CPNE6: variants seen among roughly 807,000 people sequenced by gnomAD.
The protein encoded by CPNE6 is copine 6.
Under a neutral mutation model 71.5 loss-of-function variants are expected in CPNE6, and 33 were observed. The ratio of observed to expected loss-of-function variants is 0.46; its 90% CI spans 0.35 to 0.62. CPNE6 has a LOEUF of 0.62. CPNE6 is among the 20% of genes least tolerant of loss of function. CPNE6 has a pLI of 0.00. For synonymous variants in CPNE6, 296 were observed against 293.0 expected (o/e 1.01, Z -0.10); for missense variants, 576 against 747.3 (o/e 0.77, Z 2.67).
intron 14 of CPNE6, 114 bp from the exon 14 acceptor site, chr14:24,076,765 A>C (rs1425599044): frequency 1.3e-6 from 2 of 1,545,180 alleles, no homozygotes; most frequent in Non-Finnish European, 1.8e-6. Context: ...TGCTTAATGA[A>C]GGAACTCGAG....
rs910624041 is a variant in CPNE6, at chr14:24,077,183, C to T, written c.1329C>T (p.Asp443=). The change falls in exon 16 of 18, where the codon GAC becomes GAT. Residue 443 remains aspartate, a synonymous_variant. Coordinates refer to ENST00000397016, the Ensembl canonical transcript of CPNE6. The surrounding 1 kb of genome is among the most constrained non-coding windows in gnomAD (Gnocchi z 6.1). Reference sequence around the variant, plus strand: ...ACTCGGTGCTGCTGGTGCTCACTGACGGTGTGGTGAGCGACATGGCTGAGA... The same window carrying T: ...ACTCGGTGCTGCTGGTGCTCACTGATGGTGTGGTGAGCGACATGGCTGAGA... 3.7e-6 allele frequency: 6 copies of T among 1,607,752 alleles called. No homozygotes were observed. The highest frequency in any genetic ancestry group is 4.2e-6 in the Non-Finnish European group (5 of 1,179,792).
chr14:24,075,416 G>T lies in CPNE6; in HGVS notation c.778-89G>T. ...GGCTCAGCTGAAGGACGGAACCATG[G>T]GGGTCTTGCTCTGGGAGGCTCTGCT... On this transcript the variant is annotated intron_variant, in intron 9 of 17. Transcript: ENST00000397016. This position sits in a 1 kb window ranked among gnomAD's most constrained non-coding sequence, Gnocchi z 4.3. The T allele has an allele frequency of 7.0e-7, 1 of 1,424,546 alleles. No homozygotes were observed. Among genetic ancestry groups the T allele is most frequent in the East Asian group, 2.3e-5 (1 of 43,210 alleles). 88.2% of individuals were successfully genotyped at this position (1,424,546 alleles called of 1,614,324 possible).
chr14:24,074,234 T>C lies in CPNE6; in HGVS notation c.424-57T>C, dbSNP rs1036916619. On this transcript the variant is annotated intron_variant, in intron 5 of 17. Transcript: ENST00000397016. The surrounding 1 kb of genome is among the most constrained non-coding windows in gnomAD (Gnocchi z 4.5). ...CCACCCCCACCTAAGGGAAAGGGGA[T>C]GGGGTGGCCCTTGTGGTAAGGTTAG... 1 of 1,597,716 alleles carries C rather than the reference T, an allele frequency of 6.3e-7. No individual in the cohort carries two copies. The highest frequency in any genetic ancestry group is 8.6e-7 in the Non-Finnish European group (1 of 1,165,346).
rs1264781646 is a variant in CPNE6 at position 24,074,646 on chromosome 14, G to A, written c.582+32G>A. On this transcript the variant is annotated intron_variant, in intron 7 of 17. Coordinates refer to ENST00000397016, the Ensembl canonical transcript of CPNE6. This position sits in a 1 kb window ranked among gnomAD's most constrained non-coding sequence, Gnocchi z 4.5. ...GCCTGGGGCTATGGGGATGAAGGGA[G>A]GGAGAGTAAAGTAAGAAGACACAGA... The A allele has an allele frequency of 1.2e-6, 2 of 1,613,694 alleles. No homozygotes were observed. The highest frequency in any genetic ancestry group is 1.7e-6 in the Non-Finnish European group (2 of 1,179,592).
chr14:24,075,727 A>G lies in CPNE6; in HGVS notation c.865-100A>G. On this transcript the variant is annotated intron_variant, in intron 10 of 17. Coordinates refer to ENST00000397016, the Ensembl canonical transcript of CPNE6. This position sits in a 1 kb window ranked among gnomAD's most constrained non-coding sequence, Gnocchi z 4.3. The stretch of plus-strand genomic sequence containing the variant: ...GAAACCACCCCCAACTGCAACCCAA[A>G]AAACTCTGGCTCCCCCATGTTCCCC... 7.2e-7 allele frequency: 1 copy of G among 1,395,748 alleles called. No homozygotes were observed. The allele number at this position is 1,395,748 out of a possible 1,614,324, so 86.5% of individuals were successfully genotyped here. A position where few individuals can be genotyped will look rare whatever the true frequency, so the allele number is the denominator to read the frequency against.
At chr14:24,076,677 A>C in intron 14 of CPNE6, 120 bp downstream of exon 13, 1 of 1,489,694 alleles carries the variant, frequency 6.7e-7, no homozygotes, top group South Asian at 1.1e-5. Context: ...GCCTGTCTTT[A>C]TCAGGTGAGG....
rs2035906392 is a variant in CPNE6 at position 24,071,661 on chromosome 14, C to T, written c.-5+20C>T. ...GCCCAGGTGAGCCCACCCTTCCTCCCCAGCCCAGCCCCAGCCCAGCCCAGC... is the reference window on the plus strand; with the variant it reads ...GCCCAGGTGAGCCCACCCTTCCTCCTCAGCCCAGCCCCAGCCCAGCCCAGC... On this transcript the variant is annotated intron_variant, in intron 2 of 17. Transcript: ENST00000397016. 2.5e-6 allele frequency: 2 copies of T among 803,614 alleles called. No homozygotes were observed. Among genetic ancestry groups the T allele is most frequent in the Non-Finnish European group, 4.2e-6 (2 of 479,316 alleles). 49.8% of individuals were successfully genotyped at this position (803,614 alleles called of 1,614,324 possible).
intron 2 of CPNE6, 112 bp downstream of exon 1, chr14:24,071,753 T>C: frequency 1.8e-6 from 1 of 547,652 alleles, no homozygotes; most frequent in Non-Finnish European, 3.3e-6. Context: ...CCCAATCCCT[T>C]CACCACCACA....
intron 2 of CPNE6, chr14:24,071,966 T>C (rs2035916428): frequency 3.2e-6 from 1 of 313,218 alleles, no homozygotes; most frequent in Non-Finnish European, 6.0e-6. Context: ...ACACACGACA[T>C]GGGGGGACAG....
chr14:24,075,412 C>T lies in CPNE6; in HGVS notation c.778-93C>T. On this transcript the variant is annotated intron_variant, in intron 9 of 17. Transcript: ENST00000397016. This position sits in a 1 kb window ranked among gnomAD's most constrained non-coding sequence, Gnocchi z 4.3. The stretch of plus-strand genomic sequence containing the variant: ...CCTGGGCTCAGCTGAAGGACGGAAC[C>T]ATGGGGGTCTTGCTCTGGGAGGCTC... 7.0e-7 allele frequency: 1 copy of T among 1,421,130 alleles called. No homozygotes were observed. The highest frequency in any genetic ancestry group is 9.9e-7 in the Non-Finnish European group (1 of 1,012,794). The allele number at this position is 1,421,130 out of a possible 1,614,324, so 88.0% of individuals were successfully genotyped here.
In CPNE6 at chr14:24,071,044, T is replaced by C. The variant is rs565517638; in HGVS notation, c.-120+16T>C. 7.2e-6 allele frequency: 11 copies of C among 1,535,150 alleles called. No individual in the cohort carries two copies. The Admixed American group carries it at 2.0e-4, about 27-fold the overall frequency. On this transcript the variant is annotated intron_variant, in intron 1 of 17. Coordinates refer to ENST00000397016, the Ensembl canonical transcript of CPNE6. Reference sequence around the variant, plus strand: ...TGTATTCCGGGTTAGTTTGAGTGAGTACATGTGTGACAAGGACAGCCCAGT... The same window carrying C: ...TGTATTCCGGGTTAGTTTGAGTGAGCACATGTGTGACAAGGACAGCCCAGT...
chr14:24,076,494 T>C lies in CPNE6; in HGVS notation c.1114-12T>C. ...AAGGCAGGCCCTCACTGCTCCCGCC[T>C]TGCCCTCACAGGTGTCCCATGACTT... On this transcript the variant is annotated splice_polypyrimidine_tract_variant and intron_variant, in intron 13 of 17. Coordinates refer to ENST00000397016, the Ensembl canonical transcript of CPNE6. The C allele has an allele frequency of 6.2e-7, 1 of 1,614,182 alleles. No individual in the cohort carries two copies.
chr14:24,072,755 GGT>G, intron 2 of CPNE6, 176 bp from the exon 2 acceptor site: 1 of 483,566 alleles, frequency 2.1e-6, no homozygotes, highest in Non-Finnish European at 3.5e-6. Context: ...GGGAGGCTCA[GGT>G]CCTCTGCCCT....
At chr14:24,071,501 G>GGGGCCCCCCCCCC in intron 1 of CPNE6, 61 bp from the exon 1 acceptor site, 73 of 1,416,624 alleles carry the variant, frequency 5.2e-5, no homozygotes, top group Non-Finnish European at 6.1e-5. Context: ...CTGGTGCTGC[G>GGGGCCCCCCCCCC]CCCCCCCCCA....
chr14:24,074,600 G>A lies in CPNE6; in HGVS notation c.568G>A (p.Val190Ile), dbSNP rs555234339. Residue 190 changes from valine to isoleucine, a missense_variant, in exon 7 of 18, where the codon GTC becomes ATC. Val to Ile is a conservative substitution (Grantham distance 29). Around this residue, in one of 4 missense-constraint regions of CPNE6, gnomAD observed 214 missense variants for 291.2 expected, o/e 0.73. Transcript: ENST00000397016. The surrounding 1 kb of genome is among the most constrained non-coding windows in gnomAD (Gnocchi z 4.5). ...CAACGAGGACCAAAGTGATCAGCTG[G>A]TCTGGAGAACTGAGGTTGGTGCCTG... The A allele has an allele frequency of 1.2e-4, 187 of 1,614,200 alleles. 2 individuals carry two copies. The South Asian group carries it at 1.8e-3, about 15-fold the overall frequency.
Position 24,077,191 on chromosome 14 carries a change from T to C in CPNE6, c.1337T>C (p.Val446Ala). The change falls in exon 16 of 18, where the codon GTG becomes GCG. Residue 446 changes from valine to alanine, a missense_variant. This residue lies in a region of CPNE6 where 264 missense variants were observed against 339.9 expected (regional missense o/e 0.78). Transcript: ENST00000397016. This position sits in a 1 kb window ranked among gnomAD's most constrained non-coding sequence, Gnocchi z 6.1. Reference sequence around the variant, plus strand: ...CTGCTGGTGCTCACTGACGGTGTGGTGAGCGACATGGCTGAGACTCGCACT... The same window carrying C: ...CTGCTGGTGCTCACTGACGGTGTGGCGAGCGACATGGCTGAGACTCGCACT... 1 of 1,609,116 alleles carries C rather than the reference T, an allele frequency of 6.2e-7. No individual in the cohort carries two copies. Among genetic ancestry groups the C allele is most frequent in the Non-Finnish European group, 8.5e-7 (1 of 1,179,916 alleles).
chr14:24,074,353 G>A lies in CPNE6; in HGVS notation c.486G>A (p.Lys162=), dbSNP rs1294577330. ...TGCAACTCACCTTCAGAGCCTACAA[G>A]CTGGACAACAAGGTTGGAACCCCAG... Residue 162 remains lysine, a synonymous_variant, in exon 6 of 18, where the codon AAG becomes AAA. Transcript: ENST00000397016. This position sits in a 1 kb window ranked among gnomAD's most constrained non-coding sequence, Gnocchi z 4.5. 36 of 1,558,314 alleles carry A rather than the reference G, an allele frequency of 2.3e-5. No individual in the cohort carries two copies. Among genetic ancestry groups the A allele is most frequent in the Non-Finnish European group, 2.9e-5 (34 of 1,152,778 alleles).
chr14:24,075,958 A>G lies in CPNE6; in HGVS notation c.924+72A>G. On this transcript the variant is annotated intron_variant, in intron 11 of 17. Transcript: ENST00000397016. This position sits in a 1 kb window ranked among gnomAD's most constrained non-coding sequence, Gnocchi z 4.3. Reference sequence around the variant, plus strand: ...TCCATAGTGAAAGGAAGGAGCCCAGAATCTCCACTGCCCCAACTTGGGCTG... The same window carrying G: ...TCCATAGTGAAAGGAAGGAGCCCAGGATCTCCACTGCCCCAACTTGGGCTG... 6.3e-7 allele frequency: 1 copy of G among 1,576,398 alleles called. No homozygotes were observed. The highest frequency in any genetic ancestry group is 8.7e-7 in the Non-Finnish European group (1 of 1,147,262).
rs2036003212 is a variant in CPNE6 at position 24,074,691 on chromosome 14, T to C, written c.583-15T>C. On this transcript the variant is annotated splice_polypyrimidine_tract_variant and intron_variant, in intron 7 of 17. Transcript: ENST00000397016. This position sits in a 1 kb window ranked among gnomAD's most constrained non-coding sequence, Gnocchi z 4.5. ...CACAGACAGGAGCTGACCAGCCACCTGGTGCCTCTCCAAGGTGGTGAAGAA... is the reference window on the plus strand; with the variant it reads ...CACAGACAGGAGCTGACCAGCCACCCGGTGCCTCTCCAAGGTGGTGAAGAA... 1.2e-6 allele frequency: 2 copies of C among 1,614,044 alleles called. No individual in the cohort carries two copies. The highest frequency in any genetic ancestry group is 1.7e-6 in the Non-Finnish European group (2 of 1,179,908).
Sources: gnomAD v4.1 joint callset for allele counts on GRCh38, gnomAD v4.1.1 for gene constraint, gnomAD v4.1.1 regional missense constraint, Gnocchi (gnomAD v3.1) non-coding constraint, MANE v1.5 for transcripts, NCBI Gene and HGNC (gene_info 2026-07-23, HGNC 2026-07-21) for gene names.